NAALAD2: variants seen among roughly 807,000 people sequenced by gnomAD.
NAALAD2 encodes N-acetylated-alpha-linked acidic dipeptidase 2.
NAALAD2 carries 89 observed loss-of-function variants against 95.6 expected under a neutral mutation model. The observed-to-expected ratio is 0.93, with a 90% confidence interval of 0.78 to 1.11. The LOEUF (loss-of-function observed/expected upper bound fraction) is 1.11, where lower values mean the gene tolerates loss of function less well. Among genes scored for constraint, NAALAD2 ranks in the 50% least tolerant of loss-of-function variants. The pLI is 0.00. For synonymous variants in NAALAD2, 264 were observed against 294.4 expected, an observed-to-expected ratio of 0.90 and a Z score of 1.06; for missense variants, 894 against 872.4, an observed-to-expected ratio of 1.02 and a Z score of -0.31.
chr11:90,143,008 A>G (rs1951659993), intron 2 of NAALAD2, among the ~76,000 whole-genome samples: 1 of 151,962 alleles, frequency 6.6e-6, no homozygotes. Context: ...TCTCTCCCCC[A>G]CCATCCTTTA....
chr11:90,175,924 G>A (rs747969746), intron 14 of NAALAD2, 48 bp from the exon 15 acceptor site: 1 of 1,117,850 alleles, frequency 8.9e-7, no homozygotes, highest in African/African-American at 1.8e-5. Flanking sequence ...TCATTTACTT[G>A]TTTATGTGTG....
intron 7 of NAALAD2, chr11:90,158,786 C>G (rs889499274): frequency 5.6e-6 from 1 of 178,816 alleles, no homozygotes; most frequent in Non-Finnish European, 1.2e-5. Context: ...TTTACATATC[C>G]CCCAACTCCC....
At chr11:90,148,217 G>T (rs1176421229) in intron 3 of NAALAD2, among the ~76,000 whole-genome samples, 1 of 152,128 alleles carries the variant, frequency 6.6e-6, no homozygotes, top group Non-Finnish European at 1.5e-5. Flanking sequence ...GGTTAAAGTT[G>T]TTGTCTTAAG....
chr11:90,142,555 C>T (rs1951646006), intron 2 of NAALAD2, among the ~76,000 whole-genome samples: 2 of 151,976 alleles, frequency 1.3e-5, no homozygotes, highest in South Asian at 4.2e-4. Context: ...TAAAATGTAC[C>T]CTCTATAGAG....
intron 1 of NAALAD2, chr11:90,135,240 A>T: frequency 3.4e-6 from 1 of 297,172 alleles, no homozygotes; most frequent in South Asian, 9.1e-5. Context: ...GTAAATAAAT[A>T]TTTGTGGAAT....
chr11:90,151,355 A>T (rs1951883628), intron 5 of NAALAD2, among the ~76,000 whole-genome samples: 1 of 152,190 alleles, frequency 6.6e-6, no homozygotes, highest in South Asian at 2.1e-4. Context: ...AGTATTTTAA[A>T]TGATGGCATC....
At chr11:90,141,753 A>C (rs1021149005) in intron 2 of NAALAD2, among the ~76,000 whole-genome samples, 1 of 152,120 alleles carries the variant, frequency 6.6e-6, no homozygotes, top group Non-Finnish European at 1.5e-5. Context: ...CTTGGCTGGA[A>C]GGTGGGAAAG....
At chr11:90,186,699 G>A (rs1346110684) in intron 18 of NAALAD2, among the ~76,000 whole-genome samples, 2 of 147,608 alleles carry the variant, frequency 1.4e-5, no homozygotes, top group East Asian at 2.0e-4. Context: ...AGACTTAAAC[G>A]TTAGACCTAA....
Position 90,170,090 on chromosome 11 carries a change from A to G in NAALAD2, c.1364A>G (p.Asp455Gly). The G allele has an allele frequency of 6.3e-7, 1 of 1,589,856 alleles. No individual in the cohort carries two copies. The highest frequency in any genetic ancestry group is 8.6e-7 in the Non-Finnish European group (1 of 1,158,200). ...SIEGNYTLRV[D>G]CTPLLYQLVY... is the part of the protein sequence containing the mutation. ...TCAGGCAATTATACTCTCAGAGTTG[A>G]CTGTACTCCCCTTCTTTACCAATTA... Residue 455 changes from aspartate (D) to glycine (G), a missense_variant, in exon 13 of 19, where the codon GAC (aspartate) becomes GGC (glycine). Asp to Gly is a moderately conservative substitution (Grantham distance 94, BLOSUM62 -1). Transcript: ENST00000534061.
At chr11:90,156,142 G>T (rs1452673738) in intron 6 of NAALAD2, among the ~76,000 whole-genome samples, 4 of 151,792 alleles carry the variant, frequency 2.6e-5, no homozygotes, top group African/African-American at 7.3e-5. Context: ...GATCTGTCTT[G>T]TTGGAAGTTT....
chr11:90,170,664 T>C (rs1220197455), intron 13 of NAALAD2, among the ~76,000 whole-genome samples: 2 of 152,168 alleles, frequency 1.3e-5, no homozygotes, highest in Non-Finnish European at 2.9e-5. Context: ...AGAACAGTTA[T>C]GGAATAGAGA....
At chr11:90,142,359 G>A (rs537979600) in intron 2 of NAALAD2, among the ~76,000 whole-genome samples, 10 of 152,154 alleles carry the variant, frequency 6.6e-5, no homozygotes, top group South Asian at 2.1e-4. Context: ...ACACATGGAC[G>A]TTGCTATGTT....
rs1320685606 is a variant in NAALAD2, at chr11:90,186,778, T to G, written c.2033+3770T>G. ...GACATAGGCATGGGCAAGGACTTCA[T>G]GTCCAAAACACCAAAAGCAATGGCA... On this transcript the variant is annotated intron_variant, in intron 18 of 18. Transcript: ENST00000534061. Among the ~76,000 whole-genome samples the G allele has an allele frequency of 2.1e-5, 3 of 146,134 alleles. No homozygotes were observed. The South Asian group carries it at 7.0e-4, about 34-fold the overall frequency.
intron 11 of NAALAD2, among the ~76,000 whole-genome samples, chr11:90,165,832 T>C (rs756088368): frequency 6.6e-6 from 1 of 152,204 alleles, no homozygotes; most frequent in African/African-American, 2.4e-5. Context: ...TAAACACATA[T>C]AAACACATGC....
chr11:90,146,516 G>A (rs937508592), intron 2 of NAALAD2, among the ~76,000 whole-genome samples: 4 of 151,354 alleles, frequency 2.6e-5, no homozygotes, highest in Admixed American at 6.6e-5. Flanking sequence ...CCGCCACGAC[G>A]CCTGGCTAAT....
chr11:90,147,530 T>C lies in NAALAD2; in HGVS notation c.381+14T>C. ...CATGAAACTGAGGTATGTGAAATTG[T>C]TGGTACTTTTTATATTTTGCAATCC... is the stretch of plus-strand genomic sequence containing the variant. On this transcript the variant is annotated intron_variant, in intron 3 of 18. Transcript: ENST00000534061. 6.3e-7 allele frequency: 1 copy of C among 1,587,102 alleles called. No homozygotes were observed. The highest frequency in any genetic ancestry group is 2.2e-5 in the East Asian group (1 of 44,504).
intron 17 of NAALAD2, among the ~76,000 whole-genome samples, chr11:90,182,467 T>G (rs1646252855): frequency 1.3e-5 from 2 of 152,108 alleles, no homozygotes; most frequent in African/African-American, 4.8e-5. Flanking sequence ...CCCTATCCAT[T>G]ATGTGCAGCT....
intron 2 of NAALAD2, 126 bp downstream of exon 2, chr11:90,135,796 C>T: frequency 2.5e-5 from 12 of 481,908 alleles, no homozygotes; most frequent in South Asian, 1.5e-4. Flanking sequence ...TAGTCATCAA[C>T]TTTTTTTTTT....
chr11:90,150,957 T>TA lies in NAALAD2; in HGVS notation c.609+353dup, dbSNP rs1951874172. 2.0e-5 allele frequency among the ~76,000 whole-genome samples: 3 copies of TA among 152,170 alleles called. No homozygotes were observed. In the South Asian group the frequency reaches 6.2e-4, roughly 31 times the overall value. ...TTTTCAAACCTAATTCTGTGACATATAAATACATCTGTCCCTATATGTCCA... is the reference window on the plus strand; with the variant it reads ...TTTTCAAACCTAATTCTGTGACATATAAAATACATCTGTCCCTATATGTCCA... On this transcript the variant is annotated intron_variant, in intron 5 of 18. Coordinates refer to ENST00000534061, the MANE Select transcript of NAALAD2 (RefSeq NM_005467.4).
Sources: gnomAD v4.1 joint callset for allele counts (sites outside exome capture counted in the v4.1 genomes callset) on GRCh38, gnomAD v4.1.1 for gene constraint, MANE v1.5 for transcripts, NCBI Gene and HGNC (gene_info 2026-07-23, HGNC 2026-07-21) for gene names.